DHRS3: variants seen among roughly 807,000 people sequenced by gnomAD.
DHRS3 encodes short-chain dehydrogenase/reductase 3.
Under a neutral mutation model 27.2 loss-of-function variants are expected in DHRS3, and 14 were observed. The ratio of observed to expected loss-of-function variants is 0.52; its 90% CI spans 0.34 to 0.81. DHRS3 has a LOEUF of 0.81. Among genes scored for constraint, DHRS3 ranks in the 30% least tolerant of loss-of-function variants. The pLI, the probability that DHRS3 is intolerant of heterozygous loss-of-function variation, is 0.01. For synonymous variants in DHRS3, 165 were observed against 175.9 expected (o/e 0.94, Z 0.49); for missense variants, 322 against 406.2 (o/e 0.79, Z 1.78).
At chr1:12,580,473 A>G (rs780687747) in intron 2 of DHRS3, 50 bp downstream of exon 2, 1 of 1,613,536 alleles carries the variant, frequency 6.2e-7, no homozygotes, top group Non-Finnish European at 8.5e-7. Flanking sequence ...TTTGCCCGGA[A>G]TTAGCCTGTG....
intron 4 of DHRS3, among the ~76,000 whole-genome samples, chr1:12,577,048 G>A (rs79593940): frequency 0.023 from 3,528 of 151,774 alleles, 65 homozygotes; most frequent in Non-Finnish European, 0.034. Flanking sequence ...TGACTCCCAC[G>A]TGGCATGCAC....
At chr1:12,568,782 C>G (rs897925795) in intron 5 of DHRS3, among the ~76,000 whole-genome samples, 2 of 152,076 alleles carry the variant, frequency 1.3e-5, no homozygotes, top group Non-Finnish European at 2.9e-5. Flanking sequence ...CAAAAATTAG[C>G]TGGGCATGGT....
intron 1 of DHRS3, among the ~76,000 whole-genome samples, chr1:12,611,313 A>G (rs1363732846): frequency 1.3e-5 from 2 of 152,232 alleles, no homozygotes; most frequent in Non-Finnish European, 2.9e-5. Flanking sequence ...TGAAAGCCCA[A>G]ATAGAAAAGT....
intron 4 of DHRS3, among the ~76,000 whole-genome samples, chr1:12,577,061 C>T (rs866163399): frequency 2.0e-5 from 3 of 151,946 alleles, no homozygotes; most frequent in South Asian, 4.2e-4. Context: ...GCATGCACTA[C>T]ACTAAATTGT....
rs959116494 is a variant in DHRS3 at position 12,600,234 on chromosome 1, CACACAA to C, written c.195+16914_195+16919del. 148 of 357,962 alleles carry C rather than the reference CACACAA, an allele frequency of 4.1e-4. 5 individuals carry two copies. Among genetic ancestry groups the C allele is most frequent in the Non-Finnish European group, 5.4e-4 (138 of 256,242 alleles). 22.2% of individuals were successfully genotyped at this position (357,962 alleles called of 1,614,324 possible). On this transcript the variant is annotated intron_variant, in intron 1 of 5. Coordinates refer to ENST00000616661, the MANE Select transcript of DHRS3 (RefSeq NM_004753.7). ...GTGTGTGTACACGTACACACACACA[CACACAA>C]TCACACAAACATTTCCACTGACTTG... is the stretch of plus-strand genomic sequence containing the variant.
intron 1 of DHRS3, among the ~76,000 whole-genome samples, chr1:12,590,261 C>CCT (rs1646734384): frequency 6.6e-6 from 1 of 152,126 alleles, no homozygotes; most frequent in Non-Finnish European, 1.5e-5. Flanking sequence ...GGCTTCTCCT[C>CCT]ACTCCTGCCC....
intron 1 of DHRS3, among the ~76,000 whole-genome samples, chr1:12,585,324 T>C (rs1029698852): frequency 6.6e-6 from 1 of 151,870 alleles, no homozygotes; most frequent in African/African-American, 2.4e-5. Context: ...TGTCTCTATG[T>C]GTCTCTGTGT....
intron 1 of DHRS3, among the ~76,000 whole-genome samples, chr1:12,606,304 T>C (rs1646870904): frequency 8.1e-6 from 1 of 124,014 alleles, no homozygotes; most frequent in Non-Finnish European, 1.7e-5. Flanking sequence ...GGACTGACAA[T>C]TAACAGCAAA....
At chr1:12,584,115 G>A (rs1160403051) in intron 1 of DHRS3, among the ~76,000 whole-genome samples, 1 of 152,140 alleles carries the variant, frequency 6.6e-6, no homozygotes, top group Non-Finnish European at 1.5e-5. Context: ...AGTCCCCTGG[G>A]GTCTGGCTGA....
intron 1 of DHRS3, among the ~76,000 whole-genome samples, chr1:12,615,071 C>T (rs1202075386): frequency 6.6e-6 from 1 of 152,220 alleles, no homozygotes; most frequent in Admixed American, 6.5e-5. Flanking sequence ...GGGTTTGTCC[C>T]AAAGTCCTCT....
chr1:12,578,608 C>T lies in DHRS3; in HGVS notation c.698+110G>A, dbSNP rs183005398. ...TGCTAGGATTATAGGTATGAGGCAC[C>T]GTGCCTAGCCCGATTTTTATATCAG... On this transcript the variant is annotated intron_variant, in intron 4 of 5. Coordinates refer to ENST00000616661, the MANE Select transcript of DHRS3 (RefSeq NM_004753.7). The surrounding 1 kb of genome is among the most constrained non-coding windows in gnomAD (Gnocchi z 4.5). The T allele has an allele frequency of 2.2e-5, 25 of 1,131,154 alleles. No homozygotes were observed. Among genetic ancestry groups the T allele is most frequent in the East Asian group, 9.6e-5 (4 of 41,766 alleles). The allele number at this position is 1,131,154 out of a possible 1,614,324, so 70.1% of individuals were successfully genotyped here.
At chr1:12,590,411 A>G (rs1279190837) in intron 1 of DHRS3, among the ~76,000 whole-genome samples, 3 of 152,180 alleles carry the variant, frequency 2.0e-5, no homozygotes, top group Admixed American at 6.5e-5. Flanking sequence ...CCTGGGTTCC[A>G]GCAATTCTCC....
chr1:12,583,363 CCATT>C (rs1646662311), intron 1 of DHRS3, among the ~76,000 whole-genome samples: 1 of 146,518 alleles, frequency 6.8e-6, no homozygotes, highest in Admixed American at 6.8e-5. Context: ...ACCCACCCAT[CCATT>C]CCTCACCCAC....
chr1:12,611,606 T>C lies in DHRS3; in HGVS notation c.195+5548A>G, dbSNP rs111583517. Among the ~76,000 whole-genome samples the C allele has an allele frequency of 3.8e-4, 58 of 152,284 alleles. 2 individuals carry two copies. The highest frequency in any genetic ancestry group is 1.3e-3 in the African/African-American group (56 of 41,558). ...TGAGATCAGTGATGGGGACAAATGCTTTCTTCACCTGGAAGTCTCCTGCTT... is the reference window on the plus strand; with the variant it reads ...TGAGATCAGTGATGGGGACAAATGCCTTCTTCACCTGGAAGTCTCCTGCTT... On this transcript the variant is annotated intron_variant, in intron 1 of 5. Coordinates refer to ENST00000616661, the MANE Select transcript of DHRS3 (RefSeq NM_004753.7).
intron 4 of DHRS3, among the ~76,000 whole-genome samples, chr1:12,577,269 G>C (rs978922429): frequency 1.3e-5 from 2 of 152,078 alleles, no homozygotes; most frequent in Non-Finnish European, 1.5e-5. Context: ...CCATTTATTG[G>C]GCACTTAATA....
chr1:12,589,396 T>C (rs1400417312), intron 1 of DHRS3, among the ~76,000 whole-genome samples: 1 of 150,612 alleles, frequency 6.6e-6, no homozygotes, highest in Non-Finnish European at 1.5e-5. Flanking sequence ...TTTTTCTTTT[T>C]TTTTTTTTTT....
chr1:12,568,666 C>G (rs1290291914), intron 5 of DHRS3, among the ~76,000 whole-genome samples: 1 of 152,180 alleles, frequency 6.6e-6, no homozygotes, highest in African/African-American at 2.4e-5. Flanking sequence ...TGGCTCATGT[C>G]TATAATCCAA....
intron 1 of DHRS3, among the ~76,000 whole-genome samples, chr1:12,589,847 A>G (rs1255469932): frequency 2.0e-5 from 3 of 151,488 alleles, no homozygotes; most frequent in Admixed American, 2.0e-4. Context: ...TGTCATTATT[A>G]TTATTATTAT....
intron 1 of DHRS3, among the ~76,000 whole-genome samples, chr1:12,582,763 C>T (rs1161024130): frequency 3.3e-5 from 5 of 152,024 alleles, no homozygotes; most frequent in Middle Eastern, 3.4e-3. Context: ...TCTGTCCATC[C>T]GTCCACTCTC....
Sources: gnomAD v4.1 joint callset for allele counts (sites outside exome capture counted in the v4.1 genomes callset) on GRCh38, gnomAD v4.1.1 for gene constraint, Gnocchi (gnomAD v3.1) non-coding constraint, MANE v1.5 for transcripts, NCBI Gene and HGNC (gene_info 2026-07-23, HGNC 2026-07-21) for gene names.